Variants in ZNF623 observed in about 807,000 individuals in gnomAD.
ZNF623 encodes the protein zinc finger protein 623.
ZNF623 carries 16 observed loss-of-function variants against 24.0 expected under a neutral mutation model. The ratio of observed to expected loss-of-function variants is 0.67; its 90% confidence interval spans 0.45 to 1.01. ZNF623 has a LOEUF of 1.01. Ranked by LOEUF, ZNF623 falls within the 50% of genes least tolerant of loss-of-function variation. ZNF623 has a pLI of 0.00. For missense variants in ZNF623, 566 were observed against 606.5 expected (o/e 0.93, Z 0.70); for synonymous variants, 224 against 219.8 (o/e 1.02, Z -0.17).
intron 1 of ZNF623, among the ~76,000 whole-genome samples, chr8:143,646,628 G>T (rs1815182814): frequency 6.6e-6 from 1 of 151,810 alleles, no homozygotes; most frequent in South Asian, 2.1e-4. Context: ...ATATTTTAAT[G>T]TCTCTGAAAT....
At chr8:143,643,303 T>TGC (rs1490992620) in intron 1 of ZNF623, among the ~76,000 whole-genome samples, 1 of 152,244 alleles carries the variant, frequency 6.6e-6, no homozygotes, top group African/African-American at 2.4e-5. Flanking sequence ...GTTGCAGCTT[T>TGC]GCGTGACCCT....
intron 1 of ZNF623, chr8:143,636,541 G>A (rs1279538769): frequency 1.3e-5 from 2 of 152,394 alleles, no homozygotes; most frequent in South Asian, 2.1e-4. Flanking sequence ...CCGCAGACAT[G>A]TTTTACGGTG....
intron 1 of ZNF623, among the ~76,000 whole-genome samples, chr8:143,642,943 G>A (rs1361677760): frequency 6.6e-6 from 1 of 152,150 alleles, no homozygotes; most frequent in Admixed American, 6.5e-5. Context: ...CACTCATCTG[G>A]TACTGTCATG....
chr8:143,645,344 A>G (rs1265775073), intron 1 of ZNF623, among the ~76,000 whole-genome samples: 2 of 151,450 alleles, frequency 1.3e-5, no homozygotes, highest in Admixed American at 1.3e-4. Context: ...CGGCAGGAGA[A>G]TGGCGTGAAC....
chr8:143,651,210 GCTT>G lies in ZNF623; in HGVS notation c.1221_1223del (p.Leu408del), dbSNP rs1815305882. ...AAGCCTTCATCCAGAGCTCCAAGCT[GCTT>G]CTGCACCAGATTATTCACACTGGAG... On this transcript the variant is annotated inframe_deletion, in exon 2 of 2. Transcript: ENST00000526926. The G allele has an allele frequency of 6.2e-7, 1 of 1,614,168 alleles. No individual in the cohort carries two copies. The highest frequency in any genetic ancestry group is 2.2e-5 in the East Asian group (1 of 44,886).
chr8:143,653,426 T>C lies in ZNF623; in HGVS notation c.*1943T>C, dbSNP rs1245358269. 6.0e-6 allele frequency: 1 copy of C among 167,094 alleles called. No homozygotes were observed. The allele number at this position is 167,094 out of a possible 1,614,324, so 10.4% of individuals were successfully genotyped here. A position where few individuals can be genotyped will look rare whatever the true frequency, so the allele number is the denominator to read the frequency against. Reference sequence around the variant, plus strand: ...TACCAGACCATTTTAATCAACTTTATTGAGATTCAATTTTCATATAGTAAA... The same window carrying C: ...TACCAGACCATTTTAATCAACTTTACTGAGATTCAATTTTCATATAGTAAA... On this transcript the variant is annotated 3_prime_UTR_variant, in exon 2 of 2. Coordinates refer to ENST00000526926, the MANE Select transcript of ZNF623 (RefSeq NM_001261843.2).
At position 143,650,636 on chromosome 8, in the gene ZNF623, G is replaced by A. The variant is rs762756631; in HGVS notation, c.644G>A (p.Arg215Lys). 11 of 1,613,824 alleles carry A rather than the reference G, an allele frequency of 6.8e-6. No individual in the cohort carries two copies. Among genetic ancestry groups the A allele is most frequent in the Non-Finnish European group, 8.5e-7 (1 of 1,180,026 alleles). ...SQSSLLIRHQ[R>K]IHTGERPYEC... ...AGCTCCTTACTTATTCGCCATCAGA[G>A]GATTCACACGGGAGAAAGGCCCTAT... Residue 215 changes from arginine (R) to lysine (K), a missense_variant, in exon 2 of 2, where the codon AGG becomes AAG. Physicochemically the swap from Arg to Lys is conservative, Grantham distance 26. Around this residue, in one of 3 missense-constraint regions of ZNF623, gnomAD observed 313 missense variants for 300.4 expected, o/e 1.04. Transcript: ENST00000526926. This position sits in a 1 kb window ranked among gnomAD's most constrained non-coding sequence, Gnocchi z 5.2.
At chr8:143,648,236 G>A (rs1815215887) in intron 1 of ZNF623, among the ~76,000 whole-genome samples, 1 of 152,172 alleles carries the variant, frequency 6.6e-6, no homozygotes, top group Non-Finnish European at 1.5e-5. Context: ...AGGCGTCAGG[G>A]GACACTGGGA....
chr8:143,648,755 A>T (rs912984708), intron 1 of ZNF623, among the ~76,000 whole-genome samples: 6 of 151,990 alleles, frequency 3.9e-5, no homozygotes, highest in African/African-American at 1.5e-4. Context: ...CTGGCAGAGG[A>T]TGGGTGGAGA....
In ZNF623 at chr8:143,651,143, T is replaced by C; in HGVS notation, c.1151T>C (p.Ile384Thr). ...QKAHLTEHQKIHSGDRPFECK... is the reference protein window; with the variant it reads ...QKAHLTEHQKTHSGDRPFECK... ...GCCCATCTCACTGAGCACCAGAAGA[T>C]CCACTCTGGGGACAGGCCCTTCGAA... Residue 384 changes from isoleucine (I) to threonine (T), a missense_variant, in exon 2 of 2, where the codon ATC becomes ACC. By Grantham distance (89) the Ile-to-Thr change is moderately conservative. Around this residue, in one of 3 missense-constraint regions of ZNF623, gnomAD observed 136 missense variants for 131.9 expected, o/e 1.03. Transcript: ENST00000526926. 1.2e-6 allele frequency: 2 copies of C among 1,614,112 alleles called. No homozygotes were observed. Among genetic ancestry groups the C allele is most frequent in the South Asian group, 2.2e-5 (2 of 91,084 alleles).
chr8:143,645,675 C>T (rs556007363), intron 1 of ZNF623, among the ~76,000 whole-genome samples: 1 of 152,170 alleles, frequency 6.6e-6, no homozygotes, highest in Non-Finnish European at 1.5e-5. Flanking sequence ...CCCACGGCCG[C>T]CTGCTTTCCT....
intron 1 of ZNF623, among the ~76,000 whole-genome samples, chr8:143,645,141 AG>A (rs1323398321): frequency 0.015 from 2,119 of 144,992 alleles, 72 homozygotes; most frequent in African/African-American, 0.052. Flanking sequence ...AAAAAAAAAA[AG>A]AGAGAAAATA....
chr8:143,639,114 A>G (rs1329344989), intron 1 of ZNF623, among the ~76,000 whole-genome samples: 4 of 151,940 alleles, frequency 2.6e-5, no homozygotes, highest in Admixed American at 2.6e-4. Context: ...CTGGTCTCGA[A>G]CTCCTGACCT....
chr8:143,649,642 T>G lies in ZNF623; in HGVS notation c.-95-256T>G, dbSNP rs565892465. The G allele has an allele frequency of 3.0e-4, 150 of 506,372 alleles. 1 individual carries two copies. The highest frequency in any genetic ancestry group is 2.7e-3 in the African/African-American group (141 of 52,054). The allele number at this position is 506,372 out of a possible 1,614,324, so 31.4% of individuals were successfully genotyped here. A position where few individuals can be genotyped will look rare whatever the true frequency, so the allele number is the denominator to read the frequency against. On this transcript the variant is annotated intron_variant, in intron 1 of 1. Transcript: ENST00000526926. Reference sequence around the variant, plus strand: ...CTGCAACTCATCCAGGATTCACTAATGGTCAGAGGAGTGTTGTGCACCACA... The same window carrying G: ...CTGCAACTCATCCAGGATTCACTAAGGGTCAGAGGAGTGTTGTGCACCACA...
At chr8:143,640,941 T>TAAAA (rs57279986) in intron 1 of ZNF623, among the ~76,000 whole-genome samples, 4 of 65,556 alleles carry the variant, frequency 6.1e-5, no homozygotes, top group African/African-American at 2.2e-4. Flanking sequence ...ACTCTGTCTT[T>TAAAA]AAAAAAAAAA....
chr8:143,638,603 T>C (rs1363922177), intron 1 of ZNF623, among the ~76,000 whole-genome samples: 1 of 151,426 alleles, frequency 6.6e-6, no homozygotes, highest in Non-Finnish European at 1.5e-5. Flanking sequence ...CCGGGCGTGG[T>C]GGCAGGCGCC....
chr8:143,646,134 TG>T (rs1030272213), intron 1 of ZNF623, among the ~76,000 whole-genome samples: 7 of 152,272 alleles, frequency 4.6e-5, no homozygotes, highest in South Asian at 4.1e-4. Context: ...CTCAAACCTC[TG>T]GGCTCAAGTG....
chr8:143,648,464 G>A (rs1815220720), intron 1 of ZNF623, among the ~76,000 whole-genome samples: 2 of 152,082 alleles, frequency 1.3e-5, no homozygotes, highest in East Asian at 1.9e-4. Context: ...TCGAGCGTGG[G>A]GTGGGGGCTC....
chr8:143,645,254 T>TAA (rs1815148569), intron 1 of ZNF623, among the ~76,000 whole-genome samples: 1 of 152,052 alleles, frequency 6.6e-6, no homozygotes. Context: ...CCATCCTGGC[T>TAA]AACGGTGAAA....
Sources: gnomAD v4.1 joint callset for allele counts (sites outside exome capture counted in the v4.1 genomes callset) on GRCh38, gnomAD v4.1.1 for gene constraint, gnomAD v4.1.1 regional missense constraint, Gnocchi (gnomAD v3.1) non-coding constraint, MANE v1.5 for transcripts, NCBI Gene and HGNC (gene_info 2026-07-23, HGNC 2026-07-21) for gene names.